The following CMTM8 variants were observed in gnomAD, a reference collection of about 807,000 sequenced individuals.
CMTM8 encodes the protein CKLF-like MARVEL transmembrane domain-containing protein 8.
Under a neutral mutation model 18.6 loss-of-function variants are expected in CMTM8, and 12 were observed. The ratio of observed to expected loss-of-function variants is 0.65; its 90% confidence interval spans 0.41 to 1.05. The LOEUF is 1.05. Among genes scored for constraint, CMTM8 ranks in the 50% least tolerant of loss-of-function variants. The pLI, the probability that CMTM8 is intolerant of heterozygous loss-of-function variation, is 0.00. For missense variants in CMTM8, 217 were observed against 227.2 expected (o/e 0.95, Z 0.29); for synonymous variants, 87 against 90.6 (o/e 0.96, Z 0.23).
chr3:32,360,407 T>C (rs772559757), intron 2 of CMTM8, among the ~76,000 whole-genome samples: 23 of 152,230 alleles, frequency 1.5e-4, no homozygotes, highest in Non-Finnish European at 4.4e-5. Context: ...GACTTCTGGT[T>C]GGGGTTTATG....
chr3:32,294,857 C>A lies in CMTM8; in HGVS notation c.147+55738C>A, dbSNP rs144482487. 7.1e-3 allele frequency among the ~76,000 whole-genome samples: 1,079 copies of A among 151,156 alleles called. 10 individuals are homozygous for A. The highest frequency in any genetic ancestry group is 0.025 in the African/African-American group (1,023 of 41,156). ...ATCACTCAAGGCCAGGAATTTGAGA[C>A]CAGCCAGGCCAACATGGTGAAACCC... On this transcript the variant is annotated intron_variant, in intron 1 of 3. Coordinates refer to ENST00000307526, the MANE Select transcript of CMTM8 (RefSeq NM_178868.5).
chr3:32,242,599 AT>A (rs1335130065), intron 1 of CMTM8, among the ~76,000 whole-genome samples: 1 of 152,088 alleles, frequency 6.6e-6, no homozygotes, highest in Non-Finnish European at 1.5e-5. Flanking sequence ...AAGTTCTGGG[AT>A]TATAGGCATG....
chr3:32,333,738 C>T (rs772835516), intron 1 of CMTM8, among the ~76,000 whole-genome samples: 7 of 151,122 alleles, frequency 4.6e-5, no homozygotes, highest in African/African-American at 1.2e-4. Context: ...AGGCAGAGCA[C>T]GGATGGTTTC....
intron 1 of CMTM8, among the ~76,000 whole-genome samples, chr3:32,244,835 A>C (rs1427695289): frequency 6.6e-6 from 1 of 152,154 alleles, no homozygotes; most frequent in Admixed American, 6.6e-5. Context: ...TTGAGGTAGA[A>C]TTGTTGGGCT....
chr3:32,311,713 C>T (rs1188747963), intron 1 of CMTM8, among the ~76,000 whole-genome samples: 2 of 152,216 alleles, frequency 1.3e-5, no homozygotes, highest in African/African-American at 4.8e-5. Context: ...ACCGATTCTC[C>T]ACCAGCTGGA....
intron 1 of CMTM8, among the ~76,000 whole-genome samples, chr3:32,314,626 C>T (rs2125572342): frequency 6.6e-6 from 1 of 152,156 alleles, no homozygotes; most frequent in South Asian, 2.1e-4. Flanking sequence ...ATTACAGGCG[C>T]ATGCCACCAC....
intron 1 of CMTM8, among the ~76,000 whole-genome samples, chr3:32,282,409 A>G (rs946938574): frequency 6.6e-6 from 1 of 152,194 alleles, no homozygotes; most frequent in Non-Finnish European, 1.5e-5. Flanking sequence ...TTATTTGAAT[A>G]TTGACTGGAT....
chr3:32,297,318 A>T (rs951816546), intron 1 of CMTM8, among the ~76,000 whole-genome samples: 2 of 152,014 alleles, frequency 1.3e-5, no homozygotes, highest in East Asian at 3.9e-4. Context: ...AGCTGGGATT[A>T]CAGGCGCCCG....
chr3:32,238,988 C>G lies in CMTM8; in HGVS notation c.16C>G (p.Arg6Gly), dbSNP rs1241789820. The change falls in exon 1 of 4, where the codon CGC becomes GGC. Residue 6 changes from arginine to glycine, a missense_variant. Arg to Gly is a moderately radical substitution (Grantham distance 125, BLOSUM62 -2). Transcript: ENST00000307526. MEEPQRARSHTVTTTA... is the reference protein window; with the variant it reads MEEPQGARSHTVTTTA... ...TGGCTCGACGATGGAGGAGCCGCAG[C>G]GCGCCCGCTCGCACACAGTCACCAC... 7.7e-6 allele frequency: 12 copies of G among 1,549,980 alleles called. No individual in the cohort carries two copies. The highest frequency in any genetic ancestry group is 2.8e-5 in the African/African-American group (2 of 72,712).
At chr3:32,368,423 C>T (rs1036718008) in intron 3 of CMTM8, among the ~76,000 whole-genome samples, 11 of 148,934 alleles carry the variant, frequency 7.4e-5, no homozygotes, top group East Asian at 2.0e-4. Context: ...AGACTGGGAT[C>T]GGGAAATGAG....
rs1164542622 is a variant in CMTM8, at chr3:32,238,991, G to T, written c.19G>T (p.Ala7Ser). Reference sequence around the variant, plus strand: ...CTCGACGATGGAGGAGCCGCAGCGCGCCCGCTCGCACACAGTCACCACCAC... The same window carrying T: ...CTCGACGATGGAGGAGCCGCAGCGCTCCCGCTCGCACACAGTCACCACCAC... MEEPQR[A>S]RSHTVTTTAS... is the part of the protein sequence containing the mutation. Residue 7 changes from alanine (A) to serine (S), a missense_variant, in exon 1 of 4, where the codon GCC becomes TCC. Physicochemically the swap from Ala to Ser is moderately conservative, Grantham distance 99. Coordinates refer to ENST00000307526, the MANE Select transcript of CMTM8 (RefSeq NM_178868.5). 1.9e-6 allele frequency: 3 copies of T among 1,550,778 alleles called. No individual in the cohort carries two copies. Among genetic ancestry groups the T allele is most frequent in the South Asian group, 1.2e-5 (1 of 83,820 alleles).
intron 1 of CMTM8, among the ~76,000 whole-genome samples, chr3:32,294,224 C>G (rs1702832608): frequency 6.6e-6 from 1 of 152,202 alleles, no homozygotes; most frequent in African/African-American, 2.4e-5. Flanking sequence ...TGAACTCAGC[C>G]TAGTCTGCTT....
intron 1 of CMTM8, among the ~76,000 whole-genome samples, chr3:32,278,729 T>C (rs1702557645): frequency 6.6e-6 from 1 of 152,202 alleles, no homozygotes; most frequent in Admixed American, 6.5e-5. Flanking sequence ...ATAATACCTT[T>C]TAGTTTACTT....
chr3:32,368,167 C>T lies in CMTM8; in HGVS notation c.438+179C>T, dbSNP rs144249235. Among the ~76,000 whole-genome samples the T allele has an allele frequency of 2.0e-3, 307 of 152,256 alleles. 1 individual carries two copies. The highest frequency in any genetic ancestry group is 7.2e-3 in the African/African-American group (298 of 41,546). ...CAGGGGGCAGAGGGCCCTCCTGGCC[C>T]GAAGTGGGAAAAGGCTGGGAGACTG... On this transcript the variant is annotated intron_variant, in intron 3 of 3. Coordinates refer to ENST00000307526, the MANE Select transcript of CMTM8 (RefSeq NM_178868.5).
At chr3:32,298,259 G>A (rs1245581251) in intron 1 of CMTM8, among the ~76,000 whole-genome samples, 1 of 151,642 alleles carries the variant, frequency 6.6e-6, no homozygotes, top group Non-Finnish European at 1.5e-5. Context: ...TTTTGGTAGA[G>A]ACAGGTTTTG....
intron 1 of CMTM8, among the ~76,000 whole-genome samples, chr3:32,274,696 A>G (rs969448360): frequency 1.3e-5 from 2 of 152,210 alleles, no homozygotes; most frequent in African/African-American, 4.8e-5. Context: ...TGTTCCTTAT[A>G]TTCTTTTTCC....
At chr3:32,291,287 T>C (rs2057586042) in intron 1 of CMTM8, among the ~76,000 whole-genome samples, 1 of 151,930 alleles carries the variant, frequency 6.6e-6, no homozygotes, top group South Asian at 2.1e-4. Flanking sequence ...CGCCACCACA[T>C]CTGGCTAATT....
intron 1 of CMTM8, among the ~76,000 whole-genome samples, chr3:32,345,449 C>G (rs1271140028): frequency 6.6e-6 from 1 of 152,136 alleles, no homozygotes; most frequent in East Asian, 1.9e-4. Context: ...TAGCACAAGG[C>G]AGCAATTGAA....
intron 1 of CMTM8, among the ~76,000 whole-genome samples, chr3:32,328,996 TGATACCAAAATGA>T (rs1313576430): frequency 6.6e-6 from 1 of 152,166 alleles, no homozygotes; most frequent in African/African-American, 2.4e-5. Flanking sequence ...ATCATTACCT[TGATACCAAAATGA>T]GATAAAGATA....
Sources: allele counts gnomAD v4.1 joint callset (sites outside exome capture counted in the v4.1 genomes callset), GRCh38; gene constraint gnomAD v4.1.1; transcripts MANE v1.5; gene names NCBI Gene and HGNC (gene_info 2026-07-23, HGNC 2026-07-21).